ARHGAP10: variants seen among roughly 807,000 people sequenced by gnomAD.
ARHGAP10 encodes the protein rho GTPase-activating protein 10.
Under a neutral mutation model 108.6 loss-of-function variants are expected in ARHGAP10, and 87 were observed. The ratio of observed to expected loss-of-function variants is 0.80; its 90% CI spans 0.67 to 0.96. The LOEUF (loss-of-function observed/expected upper bound fraction) is 0.96. Ranked by LOEUF, ARHGAP10 falls within the 40% of genes least tolerant of loss-of-function variation. The probability of loss-of-function intolerance (pLI) is 0.00; values close to 1 mark genes in which losing one functional copy is unlikely to be tolerated. For missense variants in ARHGAP10, 939 were observed against 954.5 expected (o/e 0.98, Z 0.21); for synonymous variants, 347 against 341.1 (o/e 1.02, Z -0.19).
chr4:147,950,097 A>G (rs1209100587), intron 15 of ARHGAP10, among the ~76,000 whole-genome samples: 1 of 152,178 alleles, frequency 6.6e-6, no homozygotes, highest in Non-Finnish European at 1.5e-5. Flanking sequence ...TTATTATTAT[A>G]TAACTTCACT....
intron 1 of ARHGAP10, among the ~76,000 whole-genome samples, chr4:147,768,771 C>G (rs1333226445): frequency 1.4e-5 from 2 of 145,766 alleles, no homozygotes; most frequent in African/African-American, 2.5e-5. Flanking sequence ...GGGAATCTTG[C>G]TCTGTCACCC....
intron 1 of ARHGAP10, among the ~76,000 whole-genome samples, chr4:147,741,300 C>A (rs1040291593): frequency 1.3e-5 from 2 of 152,174 alleles, no homozygotes; most frequent in African/African-American, 4.8e-5. Flanking sequence ...ATCTTAAAGA[C>A]ATTTAACCCA....
chr4:148,024,942 C>T (rs1312417789), intron 19 of ARHGAP10, among the ~76,000 whole-genome samples: 1 of 152,148 alleles, frequency 6.6e-6, no homozygotes, highest in Non-Finnish European at 1.5e-5. Context: ...GGCCCTTGAG[C>T]AAAATGGAAT....
chr4:147,919,926 A>G (rs1215191678), intron 13 of ARHGAP10, among the ~76,000 whole-genome samples: 1 of 152,126 alleles, frequency 6.6e-6, no homozygotes, highest in Non-Finnish European at 1.5e-5. Context: ...GCCTGACTTA[A>G]TTGCTATTGG....
chr4:147,819,583 T>C (rs2126782544), intron 1 of ARHGAP10, among the ~76,000 whole-genome samples: 1 of 152,326 alleles, frequency 6.6e-6, no homozygotes, highest in East Asian at 1.9e-4. Flanking sequence ...AGTCTCGCTC[T>C]GTCACCCAGG....
intron 18 of ARHGAP10, among the ~76,000 whole-genome samples, chr4:147,984,745 A>G (rs1000034853): frequency 6.6e-6 from 1 of 152,216 alleles, no homozygotes; most frequent in South Asian, 2.1e-4. Flanking sequence ...GTCCAGGCCA[A>G]GAAGTGGCTT....
At chr4:147,820,390 A>G (rs1732435337) in intron 1 of ARHGAP10, among the ~76,000 whole-genome samples, 1 of 151,956 alleles carries the variant, frequency 6.6e-6, no homozygotes, top group South Asian at 2.1e-4. Flanking sequence ...AGTTCAAGCG[A>G]TTCTCCTGCC....
intron 18 of ARHGAP10, among the ~76,000 whole-genome samples, chr4:148,004,915 C>T (rs745641535): frequency 6.6e-6 from 1 of 152,170 alleles, no homozygotes; most frequent in African/African-American, 2.4e-5. Flanking sequence ...TAAGAGTAAG[C>T]ATTTTGTTTT....
chr4:147,736,816 T>A (rs1329677571), intron 1 of ARHGAP10, among the ~76,000 whole-genome samples: 2 of 152,202 alleles, frequency 1.3e-5, no homozygotes, highest in African/African-American at 4.8e-5. Flanking sequence ...TTGGTAATTA[T>A]TAGAAGAATG....
At chr4:147,767,898 T>G (rs542608215) in intron 1 of ARHGAP10, among the ~76,000 whole-genome samples, 1 of 152,276 alleles carries the variant, frequency 6.6e-6, no homozygotes, top group Admixed American at 6.5e-5. Context: ...GACAGACACA[T>G]TAGAGCCCTT....
intron 1 of ARHGAP10, among the ~76,000 whole-genome samples, chr4:147,781,646 T>C (rs1050045265): frequency 6.6e-6 from 1 of 151,840 alleles, no homozygotes; most frequent in Non-Finnish European, 1.5e-5. Context: ...ACCTTCTAAA[T>C]GTACCAGTTT....
chr4:147,852,969 C>T (rs1470461887), intron 4 of ARHGAP10, among the ~76,000 whole-genome samples: 1 of 152,106 alleles, frequency 6.6e-6, no homozygotes, highest in Non-Finnish European at 1.5e-5. Context: ...CACCAAACTT[C>T]TCAATACCAC....
intron 7 of ARHGAP10, among the ~76,000 whole-genome samples, chr4:147,868,511 C>T (rs866064224): frequency 3.9e-5 from 6 of 152,270 alleles, no homozygotes; most frequent in East Asian, 1.9e-4. Context: ...CCTGGCATTA[C>T]GGGGGTGAGC....
chr4:147,740,243 A>C lies in ARHGAP10; in HGVS notation c.154+7788A>C, dbSNP rs184576955. 2.1e-3 allele frequency among the ~76,000 whole-genome samples: 320 copies of C among 151,948 alleles called. 1 individual carries two copies. Among genetic ancestry groups the C allele is most frequent in the African/African-American group, 6.2e-3 (255 of 41,412 alleles). On this transcript the variant is annotated intron_variant, in intron 1 of 22. Coordinates refer to ENST00000336498, the MANE Select transcript of ARHGAP10 (RefSeq NM_024605.4). Reference sequence around the variant, plus strand: ...TGGCTACGTTTTGTATTTTTTGTAGAGATGGAGTTTCACCATGTTGGCCAG... The same window carrying C: ...TGGCTACGTTTTGTATTTTTTGTAGCGATGGAGTTTCACCATGTTGGCCAG...
chr4:147,853,918 C>T (rs1447888038), intron 4 of ARHGAP10, among the ~76,000 whole-genome samples: 2 of 152,104 alleles, frequency 1.3e-5, no homozygotes, highest in African/African-American at 4.8e-5. Flanking sequence ...TTCTGCTTCC[C>T]AGTAAACAGT....
intron 10 of ARHGAP10, among the ~76,000 whole-genome samples, chr4:147,890,755 A>T (rs948080699): frequency 2.0e-5 from 3 of 152,154 alleles, no homozygotes; most frequent in Admixed American, 6.5e-5. Flanking sequence ...TGAACCCGGG[A>T]GACGGAGGTT....
chr4:148,003,954 G>GCCTAAGCCTAAATCAGCAAGTGA (rs1231926473), intron 18 of ARHGAP10, among the ~76,000 whole-genome samples: 6 of 151,410 alleles, frequency 4.0e-5, no homozygotes, highest in African/African-American at 9.8e-5. Flanking sequence ...ATTATGCTAA[G>GCCTAAGCCTAAATCAGCAAGTGA]AGACGTGAGA....
At chr4:147,867,863 CAAAA>C (rs56740685) in intron 7 of ARHGAP10, among the ~76,000 whole-genome samples, 6 of 56,882 alleles carry the variant, frequency 1.1e-4, no homozygotes, top group South Asian at 8.6e-4. Context: ...GACTCTGTCT[CAAAA>C]AAAAAAAAAA....
intron 18 of ARHGAP10, among the ~76,000 whole-genome samples, chr4:147,967,699 G>A (rs1414213841): frequency 6.6e-6 from 1 of 152,170 alleles, no homozygotes. Flanking sequence ...GAAGAGTCTG[G>A]TACTTGCAAC....
Sources: gnomAD v4.1 joint callset for allele counts (sites outside exome capture counted in the v4.1 genomes callset) on GRCh38, gnomAD v4.1.1 for gene constraint, MANE v1.5 for transcripts, NCBI Gene and HGNC (gene_info 2026-07-23, HGNC 2026-07-21) for gene names.